The following CEP63 variants were observed in gnomAD, a reference collection of about 807,000 sequenced individuals.
CEP63 encodes the protein centrosomal protein 63.
CEP63 carries 84 observed loss-of-function variants against 89.1 expected under a neutral mutation model. That is an observed-to-expected ratio of 0.94 (90% CI 0.79 to 1.13). The LOEUF is 1.13. Among genes scored for constraint, CEP63 ranks in the 50% most tolerant of loss-of-function variants. The pLI, the probability that CEP63 is intolerant of heterozygous loss-of-function variation, is 0.00. For missense variants in CEP63, 838 were observed against 813.3 expected, an observed-to-expected ratio of 1.03 and a Z score of -0.37; for synonymous variants, 267 against 272.5, an observed-to-expected ratio of 0.98 and a Z score of 0.20.
At chr3:134,741,986 CAG>C in the CEP63 span, among the ~76,000 whole-genome samples, 4 of 141,324 alleles carry the variant, frequency 2.8e-5, no homozygotes, top group African/African-American at 8.8e-5. Context: ...TCTGAGAGAC[CAG>C]TGTGTGTGTG....
At chr3:134,485,997 C>A (rs1935140269), upstream of CEP63, 3 of 980,736 alleles carry the variant, frequency 3.1e-6, no homozygotes, top group Admixed American at 6.2e-5. Context: ...CCACGCCCCC[C>A]CCCCCTCCCC....
chr3:134,734,174 T>C, the CEP63 span, among the ~76,000 whole-genome samples: 2 of 152,184 alleles, frequency 1.3e-5, no homozygotes, highest in African/African-American at 4.8e-5. Flanking sequence ...AACCTACACA[T>C]GTCATGCATT....
the CEP63 span, among the ~76,000 whole-genome samples, chr3:134,638,477 G>C: frequency 2.0e-5 from 3 of 152,090 alleles, no homozygotes; most frequent in African/African-American, 7.2e-5. Flanking sequence ...AGGCTGCCTG[G>C]CTGGCCTCTC....
At chr3:134,733,054 C>A in the CEP63 span, among the ~76,000 whole-genome samples, 47 of 152,148 alleles carry the variant, frequency 3.1e-4, no homozygotes, top group African/African-American at 1.1e-3. Flanking sequence ...GGAGAGAATC[C>A]TACACTTAGG....
chr3:134,608,819 A>G, the CEP63 span: 1 of 1,612,246 alleles, frequency 6.2e-7, no homozygotes, highest in Non-Finnish European at 8.5e-7. Context: ...AGGGTGGGTG[A>G]GGAAGTAGAA....
At chr3:134,635,517 A>G in the CEP63 span, among the ~76,000 whole-genome samples, 3 of 142,130 alleles carry the variant, frequency 2.1e-5, no homozygotes, top group South Asian at 2.2e-4. Context: ...AAAAAAAAGT[A>G]CTTCTCAACA....
chr3:134,619,409 G>T, the CEP63 span: 1 of 662,556 alleles, frequency 1.5e-6, no homozygotes, highest in South Asian at 1.7e-5. Flanking sequence ...GCACAAATGG[G>T]ATCTGGGAAC....
chr3:134,705,455 C>T, the CEP63 span, among the ~76,000 whole-genome samples: 1 of 152,166 alleles, frequency 6.6e-6, no homozygotes, highest in African/African-American at 2.4e-5. Context: ...AGGACCTGCC[C>T]CCATGACCCA....
At chr3:134,528,403 C>A (rs2108947830) in intron 3 of CEP63, among the ~76,000 whole-genome samples, 1 of 152,246 alleles carries the variant, frequency 6.6e-6, no homozygotes, top group East Asian at 1.9e-4. Flanking sequence ...TCAAAGAACT[C>A]TTTAGGCTAA....
At chr3:134,663,240 G>A in the CEP63 span, among the ~76,000 whole-genome samples, 1 of 152,194 alleles carries the variant, frequency 6.6e-6, no homozygotes. Flanking sequence ...CCACCAAACT[G>A]TCCCCTGACT....
At chr3:134,687,869 A>C in the CEP63 span, among the ~76,000 whole-genome samples, 1 of 152,226 alleles carries the variant, frequency 6.6e-6, no homozygotes, top group Non-Finnish European at 1.5e-5. Flanking sequence ...TCAGGATTCA[A>C]ATTCACAACC....
the CEP63 span, among the ~76,000 whole-genome samples, chr3:134,711,511 A>C: frequency 6.6e-6 from 1 of 152,042 alleles, no homozygotes; most frequent in African/African-American, 2.4e-5. Flanking sequence ...CCACTTTCTT[A>C]GGTTATTCCC....
At chr3:134,668,818 T>C in the CEP63 span, among the ~76,000 whole-genome samples, 1 of 152,192 alleles carries the variant, frequency 6.6e-6, no homozygotes, top group East Asian at 1.9e-4. Flanking sequence ...TATCTTATTG[T>C]CACATTTCCA....
chr3:134,524,844 T>C (rs1487143571), intron 3 of CEP63, among the ~76,000 whole-genome samples: 2 of 152,164 alleles, frequency 1.3e-5, no homozygotes, highest in Non-Finnish European at 2.9e-5. Context: ...GAAGTTCTCT[T>C]TTTTTGTTGT....
the CEP63 span, among the ~76,000 whole-genome samples, chr3:134,634,302 T>G: frequency 6.6e-6 from 1 of 151,522 alleles, no homozygotes; most frequent in East Asian, 1.9e-4. Context: ...CTAAACTAAT[T>G]TTGAAAAAAA....
At chr3:134,492,959 A>G (rs1484637007) in intron 1 of CEP63, among the ~76,000 whole-genome samples, 3 of 152,168 alleles carry the variant, frequency 2.0e-5, no homozygotes, top group African/African-American at 7.2e-5. Context: ...TGATTTAGAC[A>G]ATGTGTACAA....
intron 9 of CEP63, 89 bp downstream of exon 9, chr3:134,547,561 T>TAAAA (rs377327281): frequency 2.2e-5 from 24 of 1,099,906 alleles, no homozygotes; most frequent in Non-Finnish European, 3.1e-5. Flanking sequence ...ATAGTCATAG[T>TAAAA]AAAAAAAATA....
Position 134,558,361 on chromosome 3 carries a change from A to T in CEP63, c.1673+14A>T. ...TACAGAGTTCAAGTAAAATTTTTTA[A>T]AAGTTTATTTAAAATGTGTATTGGT... On this transcript the variant is annotated intron_variant, in intron 13 of 14. Transcript: ENST00000675561. 6.5e-7 allele frequency: 1 copy of T among 1,548,224 alleles called. No homozygotes were observed. The highest frequency in any genetic ancestry group is 8.9e-7 in the Non-Finnish European group (1 of 1,121,232).
the CEP63 span, among the ~76,000 whole-genome samples, chr3:134,650,180 CT>C: frequency 6.6e-6 from 1 of 152,234 alleles, no homozygotes; most frequent in Non-Finnish European, 1.5e-5. Flanking sequence ...CAATCTACAA[CT>C]TACAAATTTA....
Sources: allele counts gnomAD v4.1 joint callset (sites outside exome capture counted in the v4.1 genomes callset), GRCh38; gene constraint gnomAD v4.1.1; transcripts MANE v1.5; gene names NCBI Gene and HGNC (gene_info 2026-07-23, HGNC 2026-07-21).